The following GRIA1 variants were observed in gnomAD, a reference collection of about 807,000 sequenced individuals.
The protein encoded by GRIA1 is glutamate ionotropic receptor AMPA type subunit 1, also known as glutamate receptor 1.
GRIA1 carries 31 observed loss-of-function variants against 99.2 expected under a neutral mutation model. The ratio of observed to expected loss-of-function variants is 0.31; its 90% CI spans 0.23 to 0.42. The LOEUF (loss-of-function observed/expected upper bound fraction) is 0.42. Ranked by LOEUF, GRIA1 falls within the 10% of genes least tolerant of loss-of-function variation. The pLI, the probability that GRIA1 is intolerant of heterozygous loss-of-function variation, is 1.00. For missense variants in GRIA1, 782 were observed against 1,157.5 expected, an observed-to-expected ratio of 0.68 and a Z score of 4.71; for synonymous variants, 438 against 432.4, an observed-to-expected ratio of 1.01 and a Z score of -0.16.
intron 2 of GRIA1, among the ~76,000 whole-genome samples, chr5:153,605,777 T>C (rs544378294): frequency 6.6e-6 from 1 of 152,352 alleles, no homozygotes; most frequent in South Asian, 2.1e-4. Flanking sequence ...GAAATGCTGA[T>C]ATGCTTTTTT....
intron 5 of GRIA1, among the ~76,000 whole-genome samples, chr5:153,667,643 T>C (rs1485586577): frequency 1.3e-5 from 2 of 152,204 alleles, no homozygotes; most frequent in Non-Finnish European, 2.9e-5. Context: ...GTGATGTAGG[T>C]GCTATATCTG....
At chr5:153,802,629 A>C (rs897024272) in intron 15 of GRIA1, 139 bp downstream of exon 15, 4 of 867,594 alleles carry the variant, frequency 4.6e-6, no homozygotes, top group Non-Finnish European at 7.5e-6. Context: ...AGCTGTTACG[A>C]GGAAGGTGAC....
At chr5:153,807,441 G>C (rs1009431588) in intron 15 of GRIA1, among the ~76,000 whole-genome samples, 3 of 152,196 alleles carry the variant, frequency 2.0e-5, no homozygotes, top group African/African-American at 7.2e-5. Context: ...ATAAAAGAAT[G>C]GGTCAGTCAG....
intron 1 of GRIA1, chr5:153,492,307 G>A (rs1384295369): frequency 1.3e-6 from 2 of 1,534,592 alleles, no homozygotes; most frequent in Non-Finnish European, 8.7e-7. Flanking sequence ...ACATCCTGAA[G>A]TGTGTACGTA....
chr5:153,493,160 G>T (rs1315550642), intron 1 of GRIA1, among the ~76,000 whole-genome samples: 1 of 152,174 alleles, frequency 6.6e-6, no homozygotes, highest in Non-Finnish European at 1.5e-5. Context: ...TACTAGAATA[G>T]AATGTTTGTA....
intron 13 of GRIA1, among the ~76,000 whole-genome samples, chr5:153,780,649 C>T (rs1024482966): frequency 2.0e-5 from 3 of 152,146 alleles, no homozygotes; most frequent in African/African-American, 7.2e-5. Flanking sequence ...TCTCATCTTC[C>T]AATCGAGATC....
intron 13 of GRIA1, among the ~76,000 whole-genome samples, chr5:153,773,801 C>T (rs1000824333): frequency 2.0e-5 from 3 of 152,120 alleles, no homozygotes; most frequent in South Asian, 2.1e-4. Context: ...CTTCCTACAG[C>T]GCTCCTTTCT....
At chr5:153,650,995 C>T (rs1218880289) in intron 4 of GRIA1, among the ~76,000 whole-genome samples, 3 of 151,710 alleles carry the variant, frequency 2.0e-5, no homozygotes. Context: ...AGGAGAATCC[C>T]TTGAACCTGG....
chr5:153,742,809 A>AATC (rs1270064524), intron 11 of GRIA1, among the ~76,000 whole-genome samples: 6 of 152,070 alleles, frequency 3.9e-5, no homozygotes, highest in African/African-American at 1.4e-4. Context: ...TTCCTCTTTC[A>AATC]ATCTTAAGGT....
intron 2 of GRIA1, among the ~76,000 whole-genome samples, chr5:153,614,647 A>G (rs1766311136): frequency 6.6e-6 from 1 of 152,226 alleles, no homozygotes; most frequent in Non-Finnish European, 1.5e-5. Context: ...ATTCATTGAG[A>G]GAATAAGTGA....
chr5:153,652,787 G>T (rs1754669422), intron 4 of GRIA1, among the ~76,000 whole-genome samples: 1 of 152,180 alleles, frequency 6.6e-6, no homozygotes, highest in Non-Finnish European at 1.5e-5. Context: ...TAGAATGACT[G>T]ACGGTCAAAT....
intron 2 of GRIA1, among the ~76,000 whole-genome samples, chr5:153,632,061 A>G (rs950512646): frequency 1.4e-4 from 21 of 152,216 alleles, no homozygotes; most frequent in African/African-American, 5.1e-4. Flanking sequence ...GCATGATGAG[A>G]AAGCATGAGG....
At chr5:153,615,659 A>G (rs1462359902) in intron 2 of GRIA1, among the ~76,000 whole-genome samples, 4 of 152,170 alleles carry the variant, frequency 2.6e-5, no homozygotes, top group African/African-American at 9.7e-5. Flanking sequence ...AATTGTTGAT[A>G]AAATAAAAAA....
At chr5:153,577,541 C>A (rs1214347109) in intron 2 of GRIA1, among the ~76,000 whole-genome samples, 1 of 152,126 alleles carries the variant, frequency 6.6e-6, no homozygotes, top group East Asian at 1.9e-4. Context: ...AAATAGAATC[C>A]TTGCTCACTT....
chr5:153,567,097 T>C (rs1761709483), intron 2 of GRIA1, among the ~76,000 whole-genome samples: 1 of 152,174 alleles, frequency 6.6e-6, no homozygotes, highest in Non-Finnish European at 1.5e-5. Context: ...AGATCTTTTT[T>C]GTTGTTGTTG....
In GRIA1 at chr5:153,810,911, AG is replaced by A. The variant is rs1766768671; in HGVS notation, c.2521-109del. 2.2e-5 allele frequency: 17 copies of A among 755,672 alleles called. No individual in the cohort carries two copies. The South Asian group carries it at 2.6e-4, about 12-fold the overall frequency. The allele number at this position is 755,672 out of a possible 1,614,324, so 46.8% of individuals were successfully genotyped here. ...CAGAATTAGCGTTGTAGAATAGGAA[AG>A]GGGGTGGATGGGAAAGCAGAGTTGG... is the stretch of plus-strand genomic sequence containing the variant. On this transcript the variant is annotated intron_variant, in intron 15 of 15. Coordinates refer to ENST00000285900, the MANE Select transcript of GRIA1 (RefSeq NM_000827.4).
chr5:153,705,590 T>A, intron 10 of GRIA1, 107 bp from the exon 11 acceptor site: 5 of 1,386,936 alleles, frequency 3.6e-6, no homozygotes, highest in Non-Finnish European at 3.8e-6. Flanking sequence ...TCTCATATCC[T>A]TTAAGACACA....
intron 2 of GRIA1, among the ~76,000 whole-genome samples, chr5:153,502,537 TA>T (rs1195992134): frequency 1.3e-5 from 2 of 152,224 alleles, no homozygotes; most frequent in African/African-American, 4.8e-5. Context: ...GGGTCCTAAA[TA>T]AGGTATAAGG....
intron 11 of GRIA1, among the ~76,000 whole-genome samples, chr5:153,718,482 G>A (rs1190463439): frequency 6.6e-6 from 1 of 152,088 alleles, no homozygotes; most frequent in Admixed American, 6.5e-5. Context: ...AGACAAACCT[G>A]GGTTTGGATC....
Sources: allele counts gnomAD v4.1 joint callset (sites outside exome capture counted in the v4.1 genomes callset), GRCh38; gene constraint gnomAD v4.1.1; transcripts MANE v1.5; gene names NCBI Gene and HGNC (gene_info 2026-07-23, HGNC 2026-07-21).